Variants in NRG1 observed in about 807,000 individuals in gnomAD.
NRG1 encodes the protein neuregulin 1, also known as pro-neuregulin-1, membrane-bound isoform.
A neutral mutation model predicts 63.8 loss-of-function variants in NRG1; 18 were observed. The ratio of observed to expected loss-of-function variants is 0.28; its 90% CI spans 0.19 to 0.42. NRG1 has a LOEUF of 0.42. Ranked by LOEUF, NRG1 falls within the 10% of genes least tolerant of loss-of-function variation. The pLI is 1.00. For synonymous variants in NRG1, 302 were observed against 301.3 expected (o/e 1.00, Z -0.02); for missense variants, 762 against 814.7 (o/e 0.94, Z 0.79).
intron 1 of NRG1, among the ~76,000 whole-genome samples, chr8:31,854,546 T>G (rs1166748202): frequency 3.3e-5 from 5 of 152,170 alleles, no homozygotes; most frequent in African/African-American, 1.2e-4. Context: ...ATTTTGTTGA[T>G]CCTTTCAAAA....
chr8:32,201,624 G>GAGTT, intron 1 of NRG1, among the ~76,000 whole-genome samples: 1 of 152,290 alleles, frequency 6.6e-6, no homozygotes, highest in Non-Finnish European at 1.5e-5. Flanking sequence ...GTTGTGGTAA[G>GAGTT]AGTTAGAGTG....
chr8:32,433,956 G>A (rs192755883), intron 1 of NRG1, among the ~76,000 whole-genome samples: 1 of 152,060 alleles, frequency 6.6e-6, no homozygotes, highest in African/African-American at 2.4e-5. Flanking sequence ...GGGAGGCCTT[G>A]GTGGGCGGAT....
intron 5 of NRG1, among the ~76,000 whole-genome samples, chr8:32,725,665 G>A (rs1400766506): frequency 1.3e-5 from 2 of 151,106 alleles, no homozygotes; most frequent in East Asian, 2.0e-4. Flanking sequence ...TAGTAGAGAC[G>A]GGGTTTCACC....
At chr8:32,382,403 T>TTTGTAGCTATGGAGCTTAGATC (rs1465577787) in intron 1 of NRG1, among the ~76,000 whole-genome samples, 10 of 152,176 alleles carry the variant, frequency 6.6e-5, no homozygotes, top group Non-Finnish European at 4.4e-5. Context: ...GATAATGCCT[T>TTTGTAGCTATGGAGCTTAGATC]TTGTAGCTAT....
chr8:32,146,386 A>T (rs894219746), intron 1 of NRG1, among the ~76,000 whole-genome samples: 1 of 152,204 alleles, frequency 6.6e-6, no homozygotes, highest in African/African-American at 2.4e-5. Context: ...ATGAGAATTA[A>T]TCATAGCTGT....
chr8:31,873,124 G>A (rs1829630604), intron 1 of NRG1, among the ~76,000 whole-genome samples: 1 of 152,090 alleles, frequency 6.6e-6, no homozygotes, highest in African/African-American at 2.4e-5. Context: ...ATTATACACT[G>A]TAAATATTTA....
chr8:32,065,152 G>T (rs1200861172), intron 1 of NRG1, among the ~76,000 whole-genome samples: 1 of 150,800 alleles, frequency 6.6e-6, no homozygotes, highest in Non-Finnish European at 1.5e-5. Flanking sequence ...AAAAGTGCTT[G>T]GGATGGGGAA....
At chr8:32,433,203 CA>C (rs1343314445) in intron 1 of NRG1, among the ~76,000 whole-genome samples, 2 of 152,016 alleles carry the variant, frequency 1.3e-5, no homozygotes, top group African/African-American at 2.4e-5. Flanking sequence ...AGCATTGCAT[CA>C]AATGGAAGGA....
rs1055371007 is a variant in NRG1 at position 32,067,649 on chromosome 8, C to T, written c.37+428218C>T. Among the ~76,000 whole-genome samples, 2 of 152,098 alleles carry T rather than the reference C, an allele frequency of 1.3e-5. 1 individual carries two copies. Among genetic ancestry groups the T allele is most frequent in the Admixed American group, 1.3e-4 (2 of 15,258 alleles). On this transcript the variant is annotated intron_variant, in intron 1 of 10. Transcript: ENST00000519301. ...GAGTGAACCTCACCTTTGGAAGTTACTACCAAGCATTTGACTTTTGGAAGA... is the reference window on the plus strand; with the variant it reads ...GAGTGAACCTCACCTTTGGAAGTTATTACCAAGCATTTGACTTTTGGAAGA...
At chr8:32,134,766 A>G (rs544940508) in intron 1 of NRG1, among the ~76,000 whole-genome samples, 4 of 152,190 alleles carry the variant, frequency 2.6e-5, no homozygotes, top group African/African-American at 7.2e-5. Flanking sequence ...CTGTAATCCT[A>G]GTGCCTTTTA....
intron 1 of NRG1, among the ~76,000 whole-genome samples, chr8:32,165,216 G>A (rs1277822237): frequency 6.6e-6 from 1 of 151,240 alleles, no homozygotes; most frequent in African/African-American, 2.4e-5. Context: ...ATAGTTCACT[G>A]CAGCCTTGAA....
intron 5 of NRG1, among the ~76,000 whole-genome samples, chr8:32,690,997 C>T (rs1253848474): frequency 2.1e-5 from 3 of 144,702 alleles, no homozygotes. Flanking sequence ...TTTATTAATC[C>T]TAACTCCCCC....
intron 1 of NRG1, among the ~76,000 whole-genome samples, chr8:31,726,902 G>C (rs146850435): frequency 6.6e-6 from 1 of 152,166 alleles, no homozygotes; most frequent in Non-Finnish European, 1.5e-5. Context: ...AGAAGGTCTG[G>C]TTATGAGGTG....
chr8:32,562,505 T>C (rs998832668), intron 1 of NRG1, among the ~76,000 whole-genome samples: 2 of 152,090 alleles, frequency 1.3e-5, no homozygotes, highest in African/African-American at 4.8e-5. Flanking sequence ...CACCTTGGCC[T>C]CCCAAAGTGC....
chr8:32,279,631 G>A lies in NRG1; in HGVS notation c.38-316197G>A, dbSNP rs757444943. Among the ~76,000 whole-genome samples, 8 of 152,318 alleles carry A rather than the reference G, an allele frequency of 5.3e-5. No individual in the cohort carries two copies. The South Asian group carries it at 6.2e-4, about 12-fold the overall frequency. On this transcript the variant is annotated intron_variant, in intron 1 of 10. Transcript: ENST00000519301. ...CTCCGAAAGTGCTGGGATTACAGGC[G>A]TGAGCCACCACGCCCGGCCAAGGCT...
intron 1 of NRG1, among the ~76,000 whole-genome samples, chr8:32,459,748 C>A (rs564461749): frequency 6.6e-6 from 1 of 152,208 alleles, no homozygotes. Flanking sequence ...GTCACTTTCC[C>A]ATTGTCTGTT....
intron 1 of NRG1, among the ~76,000 whole-genome samples, chr8:32,306,513 G>A (rs1023115207): frequency 1.3e-5 from 2 of 152,186 alleles, no homozygotes; most frequent in African/African-American, 4.8e-5. Context: ...GAAATTAATG[G>A]ACTCAGGGCT....
At chr8:32,068,484 G>A (rs1410440866) in intron 1 of NRG1, among the ~76,000 whole-genome samples, 2 of 152,164 alleles carry the variant, frequency 1.3e-5, no homozygotes, top group Non-Finnish European at 2.9e-5. Flanking sequence ...CCACGGGGCT[G>A]TTTCTGGGCT....
chr8:32,073,246 C>T (rs1336830143), intron 1 of NRG1, among the ~76,000 whole-genome samples: 1 of 152,152 alleles, frequency 6.6e-6, no homozygotes, highest in African/African-American at 2.4e-5. Flanking sequence ...GCTAATGCAA[C>T]GTTTCCATTT....
Sources: gnomAD v4.1 joint callset for allele counts (sites outside exome capture counted in the v4.1 genomes callset) on GRCh38, gnomAD v4.1.1 for gene constraint, MANE v1.5 for transcripts, NCBI Gene and HGNC (gene_info 2026-07-23, HGNC 2026-07-21) for gene names.